Variants in BRI3 observed in about 807,000 individuals in gnomAD.
The protein encoded by BRI3 is brain protein I3, also known as membrane protein BRI3.
Under a neutral mutation model 12.8 loss-of-function variants are expected in BRI3, and 6 were observed. That is an observed-to-expected ratio of 0.47 (90% CI 0.26 to 0.93). BRI3 has a LOEUF of 0.93. BRI3 is among the 40% of genes least tolerant of loss of function. BRI3 has a pLI of 0.15. For synonymous variants in BRI3, 91 were observed against 76.1 expected (o/e 1.20, Z -1.02); for missense variants, 134 against 171.1 (o/e 0.78, Z 1.21).
At position 98,282,549 on chromosome 7, in the gene BRI3, C is replaced by T. The variant is rs372906205; in HGVS notation, c.245+96C>T. On this transcript the variant is annotated intron_variant, in intron 2 of 2. Coordinates refer to ENST00000297290, the MANE Select transcript of BRI3 (RefSeq NM_015379.5). ...CACAGCTCTGCTTGTGGGAGTGGGT[C>T]CGGCTTGACTTGGATCTTGACCAGA... 6.7e-4 allele frequency: 686 copies of T among 1,017,982 alleles called. 9 individuals carry two copies. In the South Asian group the frequency reaches 9.3e-3, roughly 14 times the overall value. 63.1% of individuals were successfully genotyped at this position (1,017,982 alleles called of 1,614,324 possible).
chr7:98,310,675 T>TTA, downstream of BRI3: 23 of 983,938 alleles, frequency 2.3e-5, no homozygotes, highest in Admixed American at 3.5e-5. Flanking sequence ...TTTTTTTTTT[T>TTA]AAATAATAGG....
At chr7:98,308,381 G>T (rs1278988108) in exon 2 of BRI3, 1 of 429,968 alleles carries the variant, frequency 2.3e-6, no homozygotes, top group East Asian at 7.1e-5. Context: ...TCACCCCCAG[G>T]CCTAAGAAGG....
chr7:98,292,712 A>C, downstream of BRI3: 1 of 1,551,512 alleles, frequency 6.4e-7, no homozygotes. Flanking sequence ...AGAAACCAGG[A>C]CCCCGAGCAG....
At chr7:98,320,282 C>A in the BRI3 span, 2 of 1,607,940 alleles carry the variant, frequency 1.2e-6, no homozygotes, top group Non-Finnish European at 1.7e-6. Context: ...TACTTGAAAT[C>A]TCTATGAGGA....
chr7:98,301,357 T>A (rs1359376100), intron 1 of BRI3, among the ~76,000 whole-genome samples: 1 of 152,074 alleles, frequency 6.6e-6, no homozygotes, highest in Admixed American at 6.5e-5. Context: ...ATGATTAGAA[T>A]CCGCATAAGG....
chr7:98,289,833 T>C (rs1285818501), intron 2 of BRI3, among the ~76,000 whole-genome samples: 1 of 152,220 alleles, frequency 6.6e-6, no homozygotes, highest in African/African-American at 2.4e-5. Context: ...TTCCTACTTT[T>C]AGGGCCTCTG....
chr7:98,297,808 C>T (rs1352511072), downstream of BRI3, among the ~76,000 whole-genome samples: 2 of 152,238 alleles, frequency 1.3e-5, no homozygotes, highest in African/African-American at 4.8e-5. Context: ...TCAGGAGGGG[C>T]TCACGCCACG....
At chr7:98,297,815 C>CA (rs1800253257), downstream of BRI3, among the ~76,000 whole-genome samples, 1 of 152,204 alleles carries the variant, frequency 6.6e-6, no homozygotes, top group Non-Finnish European at 1.5e-5. Flanking sequence ...GGGCTCACGC[C>CA]ACGTGAGGGC....
upstream of BRI3, among the ~76,000 whole-genome samples, chr7:98,305,801 C>T (rs1800634246): frequency 6.6e-6 from 1 of 152,164 alleles, no homozygotes; most frequent in African/African-American, 2.4e-5. Flanking sequence ...ATGCAAAGTC[C>T]TTTGGACAGT....
chr7:98,307,644 A>G (rs1800707380), exon 2 of BRI3: 2 of 1,606,390 alleles, frequency 1.2e-6, no homozygotes, highest in South Asian at 2.2e-5. Flanking sequence ...TCTGGAAGGG[A>G]GGGGCCGTCT....
At chr7:98,297,217 C>T (rs902179614), downstream of BRI3, among the ~76,000 whole-genome samples, 1 of 152,238 alleles carries the variant, frequency 6.6e-6, no homozygotes, top group South Asian at 2.1e-4. Flanking sequence ...TCCAAGAATC[C>T]AAAATGTGTG....
the BRI3 span, chr7:98,320,399 G>C: frequency 1.2e-6 from 1 of 862,234 alleles, no homozygotes; most frequent in Admixed American, 2.7e-5. Flanking sequence ...GCAAAGGCAC[G>C]ATCTTGGCCC....
intron 2 of BRI3, chr7:98,282,662 G>A (rs567801588): frequency 1.8e-6 from 1 of 545,500 alleles, no homozygotes; most frequent in Non-Finnish European, 3.3e-6. Context: ...CACATTTTGT[G>A]GGGGCAAAAG....
At chr7:98,301,597 G>A (rs932815585), upstream of BRI3, among the ~76,000 whole-genome samples, 4 of 152,120 alleles carry the variant, frequency 2.6e-5, no homozygotes, top group South Asian at 2.1e-4. Flanking sequence ...GATTACAGGC[G>A]TGAGCCACCG....
downstream of BRI3, among the ~76,000 whole-genome samples, chr7:98,296,233 G>A (rs924632154): frequency 2.0e-5 from 3 of 152,254 alleles, no homozygotes; most frequent in Non-Finnish European, 4.4e-5. Flanking sequence ...GGGTGATCGT[G>A]GGGGCCGGGA....
chr7:98,286,422 T>C (rs992593129), intron 2 of BRI3, among the ~76,000 whole-genome samples: 4 of 152,222 alleles, frequency 2.6e-5, no homozygotes, highest in African/African-American at 9.7e-5. Flanking sequence ...ATTTCGCCAG[T>C]GGCCATGGTC....
the BRI3 span, among the ~76,000 whole-genome samples, chr7:98,318,727 G>A: frequency 2.6e-5 from 4 of 151,422 alleles, no homozygotes; most frequent in African/African-American, 7.3e-5. Flanking sequence ...GGTGCACCAC[G>A]AGGTCAGAAG....
Position 98,281,917 on chromosome 7 carries a change from C to T in BRI3, c.122C>T (p.Pro41Leu), listed in dbSNP as rs748368088. ...GAIPAAPPPP[P>L]YPYLVTGIPT... ...ATCCCCGCCGCGCCCCCGCCGCCGC[C>T]CTACCCCTACCTCGTCACAGGTGGG... The change falls in exon 1 of 3, where the codon CCC (proline) becomes CTC (leucine). Residue 41 changes from proline (P) to leucine (L), a missense_variant. By Grantham distance (98) the Pro-to-Leu change is moderately conservative. Transcript: ENST00000297290. The T allele has an allele frequency of 1.5e-6, 2 of 1,306,896 alleles. No individual in the cohort carries two copies. The highest frequency in any genetic ancestry group is 3.1e-5 in the East Asian group (1 of 31,898). 81.0% of individuals were successfully genotyped at this position (1,306,896 alleles called of 1,614,324 possible).
chr7:98,285,329 GAGCCTGTGAC>G (rs1799675535), intron 2 of BRI3, among the ~76,000 whole-genome samples: 1 of 152,170 alleles, frequency 6.6e-6, no homozygotes, highest in African/African-American at 2.4e-5. Context: ...GGAGGGGAAG[GAGCCTGTGAC>G]AGCCTTGGGC....
Sources: gnomAD v4.1 joint callset for allele counts (sites outside exome capture counted in the v4.1 genomes callset) on GRCh38, gnomAD v4.1.1 for gene constraint, MANE v1.5 for transcripts, NCBI Gene and HGNC (gene_info 2026-07-23, HGNC 2026-07-21) for gene names.